STRBP: variants seen among roughly 807,000 people sequenced by gnomAD.
STRBP encodes the protein spermatid perinuclear RNA binding protein.
STRBP carries 13 observed loss-of-function variants against 80.1 expected under a neutral mutation model. The observed-to-expected ratio is 0.16, with a 90% CI of 0.11 to 0.26. The LOEUF (loss-of-function observed/expected upper bound fraction) is 0.26. Ranked by LOEUF, STRBP falls within the 10% of genes least tolerant of loss-of-function variation. The pLI is 1.00. For missense variants in STRBP, 485 were observed against 815.2 expected, an observed-to-expected ratio of 0.59 and a Z score of 4.93; for synonymous variants, 284 against 291.2, an observed-to-expected ratio of 0.98 and a Z score of 0.25.
At chr9:123,182,216 TTAAAAA>T (rs1488412308) in intron 3 of STRBP, among the ~76,000 whole-genome samples, 9 of 94,564 alleles carry the variant, frequency 9.5e-5, no homozygotes, top group African/African-American at 1.8e-4. Flanking sequence ...CTCCGTTTCT[TTAAAAA>T]AAAAAAAAAA....
At chr9:123,181,220 G>T (rs1193592640) in intron 3 of STRBP, among the ~76,000 whole-genome samples, 2 of 152,102 alleles carry the variant, frequency 1.3e-5, no homozygotes, top group Non-Finnish European at 2.9e-5. Context: ...TTGCCACAAA[G>T]AAACAAATTT....
intron 16 of STRBP, among the ~76,000 whole-genome samples, chr9:123,133,574 T>C (rs1280961176): frequency 2.6e-5 from 4 of 152,046 alleles, no homozygotes; most frequent in African/African-American, 9.7e-5. Context: ...AGTCTCGCTC[T>C]GTCACCCAGG....
At chr9:123,260,639 T>C (rs1482636687) in intron 1 of STRBP, among the ~76,000 whole-genome samples, 2 of 152,144 alleles carry the variant, frequency 1.3e-5, no homozygotes. Flanking sequence ...GGTTACGTGG[T>C]TTTTTTGGTT....
At chr9:123,222,440 T>C (rs2040096903) in intron 2 of STRBP, among the ~76,000 whole-genome samples, 1 of 152,194 alleles carries the variant, frequency 6.6e-6, no homozygotes, top group South Asian at 2.1e-4. Context: ...GCACTAGATA[T>C]GCTCATCTCT....
chr9:123,143,964 G>A (rs764585085), intron 13 of STRBP, among the ~76,000 whole-genome samples: 4 of 152,108 alleles, frequency 2.6e-5, no homozygotes, highest in Non-Finnish European at 5.9e-5. Flanking sequence ...TTGAGGGGCC[G>A]AGGCAGCAGG....
At chr9:123,199,564 G>A (rs796271928) in intron 2 of STRBP, among the ~76,000 whole-genome samples, 4 of 152,248 alleles carry the variant, frequency 2.6e-5, no homozygotes, top group African/African-American at 9.6e-5. Flanking sequence ...TTTCAGCAGT[G>A]CTTTGTAGTT....
In STRBP at chr9:123,236,950, A is replaced by G. The variant is rs1408161171; in HGVS notation, c.-285T>C. ...GGAGTTCGAGACCAGCCAGGTCAAC[A>G]TGGCAAAACCCCGTCTCTACTAAAA... On this transcript the variant is annotated 5_prime_UTR_variant, in exon 2 of 19. An upstream start codon of the reference 5' UTR is lost. Transcript: ENST00000348403. The G allele has an allele frequency of 6.6e-6, 1 of 152,262 alleles. No homozygotes were observed. Among genetic ancestry groups the G allele is most frequent in the Non-Finnish European group, 1.5e-5 (1 of 68,124 alleles). 9.4% of individuals were successfully genotyped at this position (152,262 alleles called of 1,614,324 possible).
intron 1 of STRBP, among the ~76,000 whole-genome samples, chr9:123,257,849 C>T (rs1429983548): frequency 6.6e-6 from 1 of 151,428 alleles, no homozygotes; most frequent in Non-Finnish European, 1.5e-5. Flanking sequence ...ATATATATAA[C>T]TTATACAAAA....
chr9:123,147,653 C>T, intron 12 of STRBP, 125 bp downstream of exon 12: 1 of 741,094 alleles, frequency 1.3e-6, no homozygotes, highest in Non-Finnish European at 2.0e-6. Context: ...ACTCCAGTCT[C>T]AGTGACAGAA....
At chr9:123,128,104 G>T in intron 18 of STRBP, 110 bp downstream of exon 18, 4 of 1,345,776 alleles carry the variant, frequency 3.0e-6, no homozygotes, top group Non-Finnish European at 4.2e-6. Context: ...TCACTAGAAT[G>T]AATAAATCTG....
intron 1 of STRBP, among the ~76,000 whole-genome samples, chr9:123,260,455 C>T (rs2041136892): frequency 6.6e-6 from 1 of 152,160 alleles, no homozygotes. Context: ...AAAATAACTT[C>T]ATGAGGCATT....
Position 123,238,476 on chromosome 9 carries a change from G to T in STRBP, c.-301-1510C>A, listed in dbSNP as rs945727592. 2.0e-5 allele frequency among the ~76,000 whole-genome samples: 3 copies of T among 152,162 alleles called. No individual in the cohort carries two copies. The South Asian group carries it at 6.2e-4, about 32-fold the overall frequency. On this transcript the variant is annotated intron_variant, in intron 1 of 18. Transcript: ENST00000348403. ...CGCCATCCAACTTTCAGTAACCAAG[G>T]AAGACAGCTGCATAAAAGCAGCATG...
intron 1 of STRBP, among the ~76,000 whole-genome samples, chr9:123,239,292 G>A (rs1318911501): frequency 2.6e-5 from 4 of 151,964 alleles, no homozygotes; most frequent in South Asian, 2.1e-4. Context: ...GGAGAATGGC[G>A]TGAACCCGGG....
chr9:123,125,746 A>T, intron 18 of STRBP, 73 bp from the exon 19 acceptor site: 1 of 1,205,708 alleles, frequency 8.3e-7, no homozygotes. Flanking sequence ...GTAAAAAAAT[A>T]TCTGACAGTA....
intron 2 of STRBP, among the ~76,000 whole-genome samples, chr9:123,227,832 T>C (rs935721486): frequency 4.6e-5 from 7 of 152,154 alleles, no homozygotes; most frequent in Admixed American, 3.9e-4. Flanking sequence ...CCCAAAGTGC[T>C]GGGATTACAG....
At chr9:123,248,848 A>G (rs2040855253) in intron 1 of STRBP, among the ~76,000 whole-genome samples, 1 of 152,198 alleles carries the variant, frequency 6.6e-6, no homozygotes, top group South Asian at 2.1e-4. Context: ...ACAAGGTTAT[A>G]TGTCTTACCC....
At chr9:123,217,139 C>A (rs2039924934) in intron 2 of STRBP, among the ~76,000 whole-genome samples, 1 of 152,036 alleles carries the variant, frequency 6.6e-6, no homozygotes, top group Admixed American at 6.5e-5. Flanking sequence ...ACAAACTCAA[C>A]CCGAAAGATA....
intron 6 of STRBP, among the ~76,000 whole-genome samples, chr9:123,166,816 T>C (rs1301005842): frequency 2.0e-5 from 3 of 152,006 alleles, no homozygotes; most frequent in Non-Finnish European, 2.9e-5. Context: ...AACGAAAGAC[T>C]GCTGCACACC....
At chr9:123,167,712 C>G (rs2037829232) in intron 6 of STRBP, among the ~76,000 whole-genome samples, 3 of 151,938 alleles carry the variant, frequency 2.0e-5, no homozygotes, top group African/African-American at 7.3e-5. Flanking sequence ...TTCACCTTAC[C>G]TGATCCCATA....
Sources: gnomAD v4.1 joint callset for allele counts (sites outside exome capture counted in the v4.1 genomes callset) on GRCh38, gnomAD v4.1.1 for gene constraint, MANE v1.5 for transcripts, NCBI Gene and HGNC (gene_info 2026-07-23, HGNC 2026-07-21) for gene names.